Variants in ZNF18 observed in about 807,000 individuals in gnomAD.
ZNF18 encodes zinc finger protein 18.
ZNF18 carries 42 observed loss-of-function variants against 58.1 expected under a neutral mutation model. The observed-to-expected ratio is 0.72, with a 90% CI of 0.56 to 0.93. The LOEUF is 0.93. Ranked by LOEUF, ZNF18 falls within the 40% of genes least tolerant of loss-of-function variation. ZNF18 has a pLI of 0.00. For missense variants in ZNF18, 540 were observed against 644.2 expected, an observed-to-expected ratio of 0.84 and a Z score of 1.75; for synonymous variants, 231 against 239.8, an observed-to-expected ratio of 0.96 and a Z score of 0.34.
chr17:11,979,102 T>A (rs1194388876), intron 6 of ZNF18, among the ~76,000 whole-genome samples: 1 of 150,680 alleles, frequency 6.6e-6, no homozygotes, highest in African/African-American at 2.4e-5. Context: ...TTTTATCTGA[T>A]TATATATAAA....
In ZNF18 at chr17:11,977,934, G is replaced by A. The variant is rs140874189; in HGVS notation, c.*23C>T. ...GTGACTGGGCTGGGAGATAGAAATGGGGAAAGAGAGTTTGGTTACTGGCTA... is the reference window on the plus strand; with the variant it reads ...GTGACTGGGCTGGGAGATAGAAATGAGGAAAGAGAGTTTGGTTACTGGCTA... On this transcript the variant is annotated 3_prime_UTR_variant, in exon 7 of 7. Coordinates refer to ENST00000580306, the MANE Select transcript of ZNF18 (RefSeq NM_001303281.2). 202 of 1,536,046 alleles carry A rather than the reference G, an allele frequency of 1.3e-4. 1 individual carries two copies. The African/African-American group carries it at 2.1e-3, about 16-fold the overall frequency.
chr17:11,995,498 C>T (rs1418200435), intron 1 of ZNF18: 3 of 152,008 alleles, frequency 2.0e-5, no homozygotes, highest in Admixed American at 2.0e-4. Context: ...GCCTGGCCAA[C>T]GCAGTAAAAC....
At chr17:11,999,233 TTC>T (rs1968616387), upstream of ZNF18, among the ~76,000 whole-genome samples, 1 of 152,202 alleles carries the variant, frequency 6.6e-6, no homozygotes, top group Non-Finnish European at 1.5e-5. Flanking sequence ...ATTAATTGGG[TTC>T]TGACTCCTTT....
chr17:12,012,687 T>C, the ZNF18 span, among the ~76,000 whole-genome samples: 1 of 150,930 alleles, frequency 6.6e-6, no homozygotes, highest in African/African-American at 2.4e-5. Context: ...AATTTACATC[T>C]TTTTTTTTAG....
the ZNF18 span, among the ~76,000 whole-genome samples, chr17:12,013,296 T>C: frequency 6.6e-6 from 1 of 152,256 alleles, no homozygotes; most frequent in East Asian, 1.9e-4. Flanking sequence ...TTATCCATGT[T>C]ATAAATTGAA....
the ZNF18 span, among the ~76,000 whole-genome samples, chr17:12,020,661 C>A: frequency 1.3e-5 from 2 of 152,098 alleles, no homozygotes; most frequent in Non-Finnish European, 2.9e-5. Context: ...TGGTCCAAGA[C>A]AGCTGTCTGC....
chr17:11,999,410 A>G (rs192851606), upstream of ZNF18, among the ~76,000 whole-genome samples: 104 of 152,378 alleles, frequency 6.8e-4, no homozygotes, highest in Non-Finnish European at 1.4e-3. Context: ...GGTTCCTGAT[A>G]TGAAAATGAC....
chr17:12,020,751 G>T, the ZNF18 span: 2 of 397,082 alleles, frequency 5.0e-6, no homozygotes, highest in Admixed American at 4.6e-5. Context: ...TCTGGCGGGG[G>T]CGTGTCAGGA....
chr17:12,011,253 CCCCTG>C, the ZNF18 span: 1 of 408,390 alleles, frequency 2.4e-6, no homozygotes, highest in Non-Finnish European at 4.4e-6. Flanking sequence ...GATGGCGGTT[CCCCTG>C]AATCATATTT....
At chr17:12,015,693 ATCAT>A in the ZNF18 span, among the ~76,000 whole-genome samples, 1 of 152,170 alleles carries the variant, frequency 6.6e-6, no homozygotes, top group Non-Finnish European at 1.5e-5. Flanking sequence ...CCTCTCGCCT[ATCAT>A]TCAACCATTT....
chr17:12,017,031 T>G, the ZNF18 span, among the ~76,000 whole-genome samples: 31 of 151,734 alleles, frequency 2.0e-4, no homozygotes, highest in Admixed American at 1.8e-3. Flanking sequence ...ACCCCATCTC[T>G]ACTAAAATTA....
chr17:12,005,634 T>G, the ZNF18 span, among the ~76,000 whole-genome samples: 1 of 152,176 alleles, frequency 6.6e-6, no homozygotes, highest in African/African-American at 2.4e-5. Flanking sequence ...GTGTCAAAAA[T>G]AAACTGAATT....
the ZNF18 span, among the ~76,000 whole-genome samples, chr17:12,019,361 C>T: frequency 1.2e-4 from 18 of 149,046 alleles, no homozygotes; most frequent in East Asian, 6.0e-4. Context: ...CTAGTAGTTG[C>T]CTAATCTGTA....
the ZNF18 span, among the ~76,000 whole-genome samples, chr17:12,012,488 T>C: frequency 2.6e-5 from 4 of 152,198 alleles, no homozygotes; most frequent in South Asian, 6.2e-4. Context: ...AGGTATAATT[T>C]CTGGGTTAAA....
the ZNF18 span, among the ~76,000 whole-genome samples, chr17:12,005,831 G>A: frequency 6.6e-6 from 1 of 152,116 alleles, no homozygotes; most frequent in Non-Finnish European, 1.5e-5. Flanking sequence ...TGTACAACAT[G>A]TAGGCAAAAT....
At chr17:11,988,541 G>A (rs766849356) in intron 4 of ZNF18, among the ~76,000 whole-genome samples, 37 of 152,168 alleles carry the variant, frequency 2.4e-4, no homozygotes, top group Admixed American at 1.1e-3. Flanking sequence ...CCACCCAAAA[G>A]AATCAGAGGG....
chr17:11,979,365 T>C (rs1967196927), intron 6 of ZNF18, among the ~76,000 whole-genome samples: 1 of 152,248 alleles, frequency 6.6e-6, no homozygotes, highest in South Asian at 2.1e-4. Context: ...CAATGTAATA[T>C]AGAGTCTCCC....
At chr17:11,983,448 G>T in intron 5 of ZNF18, 41 bp from the exon 6 acceptor site, 2 of 1,496,104 alleles carry the variant, frequency 1.3e-6, no homozygotes, top group South Asian at 1.1e-5. Context: ...GATGAATAGG[G>T]AAGACTGGGA....
At chr17:12,003,059 G>A in the ZNF18 span, among the ~76,000 whole-genome samples, 1 of 152,196 alleles carries the variant, frequency 6.6e-6, no homozygotes, top group African/African-American at 2.4e-5. Flanking sequence ...AAGGACTATT[G>A]AGAGAACAGA....
Sources: gnomAD v4.1 joint callset for allele counts (sites outside exome capture counted in the v4.1 genomes callset) on GRCh38, gnomAD v4.1.1 for gene constraint, MANE v1.5 for transcripts, NCBI Gene and HGNC (gene_info 2026-07-23, HGNC 2026-07-21) for gene names.